PANK1: variants seen among roughly 807,000 people sequenced by gnomAD.
PANK1 encodes pantothenic acid kinase 1.
Under a neutral mutation model 40.1 loss-of-function variants are expected in PANK1, and 18 were observed. The observed-to-expected ratio is 0.45, with a 90% CI of 0.31 to 0.67. The LOEUF (loss-of-function observed/expected upper bound fraction) is 0.67. Among genes scored for constraint, PANK1 ranks in the 30% least tolerant of loss-of-function variants. PANK1 has a pLI of 0.06. For synonymous variants in PANK1, 242 were observed against 237.7 expected, an observed-to-expected ratio of 1.02 and a Z score of -0.17; for missense variants, 457 against 599.6, an observed-to-expected ratio of 0.76 and a Z score of 2.48.
intron 1 of PANK1, among the ~76,000 whole-genome samples, chr10:89,633,409 A>C (rs918901441): frequency 2.0e-5 from 3 of 152,214 alleles, no homozygotes; most frequent in Non-Finnish European, 1.5e-5. Flanking sequence ...TTCTCAAAGT[A>C]AAAACCTTCC....
At position 89,645,141 on chromosome 10, in the gene PANK1, A is replaced by G; in HGVS notation, c.-250T>C. 2 of 1,514,354 alleles carry G rather than the reference A, an allele frequency of 1.3e-6. No homozygotes were observed. The highest frequency in any genetic ancestry group is 1.8e-6 in the Non-Finnish European group (2 of 1,134,522). 93.8% of individuals were successfully genotyped at this position (1,514,354 alleles called of 1,614,324 possible). On this transcript the variant is annotated 5_prime_UTR_variant, in exon 1 of 7. Transcript: ENST00000307534. The stretch of plus-strand genomic sequence containing the variant: ...GGAGCACGCCAGCCCCGGGCGCGGA[A>G]TCGGGGATCCCCGCGCACCCCCAGC...
At position 89,593,192 on chromosome 10, in the gene PANK1, C is replaced by G; in HGVS notation, c.1200+5G>C. On this transcript the variant is annotated splice_donor_5th_base_variant and intron_variant, in intron 5 of 6. Transcript: ENST00000307534. ...CAGCTTTCACCGGGTTGAGTAAGGC[C>G]TTACCTCATTCAACGCGCACATCCG... The G allele has an allele frequency of 6.2e-7, 1 of 1,613,582 alleles. No homozygotes were observed. Among genetic ancestry groups the G allele is most frequent in the South Asian group, 1.1e-5 (1 of 91,038 alleles).
chr10:89,587,600 G>A (rs1351450600), intron 6 of PANK1, among the ~76,000 whole-genome samples: 1 of 152,266 alleles, frequency 6.6e-6, no homozygotes, highest in East Asian at 1.9e-4. Flanking sequence ...CAAAGGAGGT[G>A]CATAATATTG....
chr10:89,620,125 C>T (rs1317168681), intron 1 of PANK1, among the ~76,000 whole-genome samples: 2 of 152,176 alleles, frequency 1.3e-5, no homozygotes, highest in Non-Finnish European at 2.9e-5. Flanking sequence ...TATATCCCCT[C>T]AGGACCCTGT....
chr10:89,644,530 C>T (rs1842056869), intron 1 of PANK1, 70 bp downstream of exon 1: 2 of 1,403,300 alleles, frequency 1.4e-6, no homozygotes, highest in Non-Finnish European at 9.6e-7. Context: ...CCTGCCTCAG[C>T]CGCTCCCAGT....
chr10:89,639,613 C>T (rs960031762), intron 1 of PANK1, among the ~76,000 whole-genome samples: 3 of 152,172 alleles, frequency 2.0e-5, no homozygotes, highest in African/African-American at 4.8e-5. Flanking sequence ...GTAGGAAATG[C>T]GGACCTGAAT....
intron 1 of PANK1, among the ~76,000 whole-genome samples, chr10:89,616,308 T>A (rs529427835): frequency 1.8e-4 from 28 of 152,370 alleles, no homozygotes; most frequent in African/African-American, 6.3e-4. Flanking sequence ...TAAATTTCTA[T>A]ACATTGCATG....
At chr10:89,610,725 G>T (rs762676646) in intron 2 of PANK1, among the ~76,000 whole-genome samples, 1 of 152,162 alleles carries the variant, frequency 6.6e-6, no homozygotes, top group Non-Finnish European at 1.5e-5. Context: ...TTGTACTACA[G>T]GCTTTGAGAA....
At chr10:89,608,643 G>A (rs962439982) in intron 2 of PANK1, among the ~76,000 whole-genome samples, 1 of 152,040 alleles carries the variant, frequency 6.6e-6, no homozygotes, top group African/African-American at 2.4e-5. Flanking sequence ...AGCCCTAATC[G>A]CTCAAATAAA....
In PANK1 at chr10:89,611,456, A is replaced by C. The variant is rs188479528; in HGVS notation, c.645+240T>G. ...TAATTGTAATTGAAATGATGATGATAACTATATTGAGCACTTACTAAGTGC... is the reference window on the plus strand; with the variant it reads ...TAATTGTAATTGAAATGATGATGATCACTATATTGAGCACTTACTAAGTGC... On this transcript the variant is annotated intron_variant, in intron 2 of 6. Transcript: ENST00000307534. Among the ~76,000 whole-genome samples, 583 of 152,346 alleles carry C rather than the reference A, an allele frequency of 3.8e-3. 6 individuals carry two copies. The highest frequency in any genetic ancestry group is 3.5e-3 in the Non-Finnish European group (238 of 68,024).
At chr10:89,588,225 C>A (rs2133920215) in intron 6 of PANK1, among the ~76,000 whole-genome samples, 1 of 152,154 alleles carries the variant, frequency 6.6e-6, no homozygotes, top group Admixed American at 6.5e-5. Flanking sequence ...TGCTGATAGA[C>A]ACTTAGGATA....
At chr10:89,612,079 A>C in intron 1 of PANK1, 31 bp from the exon 2 acceptor site, 1 of 1,562,312 alleles carries the variant, frequency 6.4e-7, no homozygotes, top group Non-Finnish European at 8.7e-7. Flanking sequence ...GTGCTGCTGA[A>C]TGCTATGCGT....
downstream of PANK1, chr10:89,582,277 C>A (rs1283731932): frequency 6.6e-6 from 1 of 152,102 alleles, no homozygotes; most frequent in Non-Finnish European, 1.5e-5. Context: ...TTCCCAGTTT[C>A]TTTGTGATGT....
intron 1 of PANK1, among the ~76,000 whole-genome samples, chr10:89,625,315 G>A (rs1441686282): frequency 1.3e-5 from 2 of 152,216 alleles, no homozygotes; most frequent in Non-Finnish European, 2.9e-5. Context: ...CCAACTGGCA[G>A]GTGTTGCCAT....
In PANK1 at chr10:89,645,215, C is replaced by A. The variant is rs1842081946; in HGVS notation, c.-324G>T. 2 of 1,599,084 alleles carry A rather than the reference C, an allele frequency of 1.3e-6. No individual in the cohort carries two copies. The highest frequency in any genetic ancestry group is 1.4e-5 in the African/African-American group (1 of 73,070). On this transcript the variant is annotated 5_prime_UTR_variant, in exon 1 of 7. Transcript: ENST00000307534. ...CCCTGATCCCCAGGCCGCGCGACTT[C>A]AAACGCGGCTTCCTCGCCTCCCAGA...
At chr10:89,604,707 A>T (rs1445910641) in intron 2 of PANK1, among the ~76,000 whole-genome samples, 2 of 151,484 alleles carry the variant, frequency 1.3e-5, no homozygotes, top group Non-Finnish European at 2.9e-5. Flanking sequence ...AAAAAAAAAA[A>T]AAAAAAGTTG....
chr10:89,579,564 T>C (rs1844015906), downstream of PANK1: 2 of 152,092 alleles, frequency 1.3e-5, no homozygotes, highest in African/African-American at 4.8e-5. Flanking sequence ...AAAAAGAAAA[T>C]TAGCTATCAG....
In PANK1 at chr10:89,593,217, G is replaced by A. The variant is rs749392342; in HGVS notation, c.1180C>T (p.Arg394Trp). ...CTTACCTCATTCAACGCGCACATCC[G>A]AGCAATGGAGCCAATGTTGTTGGTG... ...TITNNIGSIA[R>W]MCALNENIDR... Residue 394 changes from arginine to tryptophan, a missense_variant, in exon 5 of 7, where the codon CGG (arginine) becomes TGG (tryptophan). By Grantham distance (101) the Arg-to-Trp change is moderately radical. Transcript: ENST00000307534. 2 of 1,613,746 alleles carry A rather than the reference G, an allele frequency of 1.2e-6. No homozygotes were observed.
At chr10:89,637,746 C>A (rs1442107490) in intron 1 of PANK1, among the ~76,000 whole-genome samples, 1 of 152,114 alleles carries the variant, frequency 6.6e-6, no homozygotes, top group Non-Finnish European at 1.5e-5. Context: ...AAATTTATTT[C>A]TTCAGTAATC....
Sources: allele counts gnomAD v4.1 joint callset (sites outside exome capture counted in the v4.1 genomes callset), GRCh38; gene constraint gnomAD v4.1.1; transcripts MANE v1.5; gene names NCBI Gene and HGNC (gene_info 2026-07-23, HGNC 2026-07-21).